Variants in PTPRCAP observed in about 807,000 individuals in gnomAD.
PTPRCAP encodes the protein protein tyrosine phosphatase receptor type C-associated protein.
For synonymous variants in PTPRCAP, 136 were observed against 135.8 expected (o/e 1.00, Z -0.01); for missense variants, 294 against 285.5 (o/e 1.03, Z -0.22).
Position 67,435,751 on chromosome 11 carries a change from G to C in PTPRCAP, c.603C>G (p.Leu201=). ...CCGGCCTCTACAGTGCGGTGACATGGAGGCCCTGGCCCCCAGCTGCCCTGG... is the reference window on the plus strand; with the variant it reads ...CCGGCCTCTACAGTGCGGTGACATGCAGGCCCTGGCCCCCAGCTGCCCTGG... The part of the protein sequence containing the change: ...DSARAAGGQG[L]HVTAL Residue 201 remains leucine (L), a synonymous_variant, in exon 2 of 2, where the codon CTC becomes CTG. Transcript: ENST00000326294. The C allele has an allele frequency of 6.5e-7, 1 of 1,546,060 alleles. No homozygotes were observed. Among genetic ancestry groups the C allele is most frequent in the Non-Finnish European group, 8.7e-7 (1 of 1,147,538 alleles).
At chr11:67,436,416 TG>T in intron 1 of PTPRCAP, 66 bp from the exon 2 acceptor site, 1 of 1,416,058 alleles carries the variant, frequency 7.1e-7, no homozygotes, top group Non-Finnish European at 9.2e-7. Context: ...TGGGGCAGGC[TG>T]GGTGACCAAG....
At chr11:67,436,405 G>A (rs1864280946) in intron 1 of PTPRCAP, 55 bp from the exon 2 acceptor site, 2 of 1,423,236 alleles carry the variant, frequency 1.4e-6, no homozygotes, top group Non-Finnish European at 1.8e-6. Context: ...GGGGCCTGGT[G>A]TGGGGCAGGC....
rs1231419124 is a variant in PTPRCAP, at chr11:67,436,295, C to G, written c.59G>C (p.Gly20Ala). 6.5e-7 allele frequency: 1 copy of G among 1,530,532 alleles called. No homozygotes were observed. The highest frequency in any genetic ancestry group is 2.0e-5 in the Admixed American group (1 of 49,870). 94.8% of individuals were successfully genotyped at this position (1,530,532 alleles called of 1,614,324 possible). ...GCTGTCCTCCGCGCTGCCACCCGAG[C>G]CCAAGGCCCCTGGCAGGGCCAGCAG... is the stretch of plus-strand genomic sequence containing the variant. ...GMLLALPGAL[G>A]SGGSAEDSVG... Residue 20 changes from glycine (G) to alanine (A), a missense_variant, in exon 2 of 2, where the codon GGC becomes GCC. By Grantham distance (60) the Gly-to-Ala change is moderately conservative. Coordinates refer to ENST00000326294, the MANE Select transcript of PTPRCAP (RefSeq NM_005608.3).
At position 67,435,655 on chromosome 11, in the gene PTPRCAP, G is replaced by T; in HGVS notation, c.*78C>A. The T allele has an allele frequency of 6.7e-7, 1 of 1,489,886 alleles. No individual in the cohort carries two copies. The allele number at this position is 1,489,886 out of a possible 1,614,324, so 92.3% of individuals were successfully genotyped here. A position where few individuals can be genotyped will look rare whatever the true frequency, so the allele number is the denominator to read the frequency against. On this transcript the variant is annotated 3_prime_UTR_variant, in exon 2 of 2. Coordinates refer to ENST00000326294, the MANE Select transcript of PTPRCAP (RefSeq NM_005608.3). ...CATGGTCATGTGGGCTGGGGGTCCA[G>T]TCCAGCCATGGCATCTTGGGAAGCA...
At position 67,435,868 on chromosome 11, in the gene PTPRCAP, G is replaced by A. The variant is rs748966665; in HGVS notation, c.486C>T (p.Gly162=). The change falls in exon 2 of 2, where the codon GGC becomes GGT. Residue 162 remains glycine (G), a synonymous_variant. Coordinates refer to ENST00000326294, the MANE Select transcript of PTPRCAP (RefSeq NM_005608.3). ...DSDTEGDLVL[G]SPGPASAGGS... ...CCCCTGCGCTCGCTGGTCCTGGGGA[G>A]CCGAGGACCAGGTCGCCCTCCGTGT... The A allele has an allele frequency of 6.2e-7, 1 of 1,610,850 alleles. No individual in the cohort carries two copies. The highest frequency in any genetic ancestry group is 8.5e-7 in the Non-Finnish European group (1 of 1,179,488).
In PTPRCAP at chr11:67,435,657, C is replaced by CCA; in HGVS notation, c.*74_*75dup. 2 of 1,491,662 alleles carry CCA rather than the reference C, an allele frequency of 1.3e-6. No homozygotes were observed. The highest frequency in any genetic ancestry group is 4.6e-5 in the Admixed American group (2 of 43,112). 92.4% of individuals were successfully genotyped at this position (1,491,662 alleles called of 1,614,324 possible). A position where few individuals can be genotyped will look rare whatever the true frequency, so the allele number is the denominator to read the frequency against. ...TGGTCATGTGGGCTGGGGGTCCAGT[C>CCA]CAGCCATGGCATCTTGGGAAGCAGA... is the stretch of plus-strand genomic sequence containing the variant. On this transcript the variant is annotated 3_prime_UTR_variant, in exon 2 of 2. Coordinates refer to ENST00000326294, the MANE Select transcript of PTPRCAP (RefSeq NM_005608.3).
chr11:67,437,284 GGGTGCTGA>G (rs1380229560), intron 1 of PTPRCAP: 2 of 289,752 alleles, frequency 6.9e-6, no homozygotes, highest in East Asian at 1.1e-4. Flanking sequence ...GTCGGGGGAG[GGGTGCTGA>G]GGTGCAGCCA....
chr11:67,436,168 CCCT>C lies in PTPRCAP; in HGVS notation c.183_185del (p.Gly63del). The C allele has an allele frequency of 6.4e-7, 1 of 1,562,768 alleles. No individual in the cohort carries two copies. The highest frequency in any genetic ancestry group is 8.7e-7 in the Non-Finnish European group (1 of 1,154,336). ...CTAGGCGGGCCGGGTGGTAGTAGCC[CCCT>C]GAGTCACGGCTGAGGCGGCGCCAGG... On this transcript the variant is annotated inframe_deletion, in exon 2 of 2. Transcript: ENST00000326294.
At position 67,435,980 on chromosome 11, in the gene PTPRCAP, G is replaced by A; in HGVS notation, c.374C>T (p.Ala125Val). The A allele has an allele frequency of 1.2e-6, 2 of 1,613,726 alleles. No individual in the cohort carries two copies. Among genetic ancestry groups the A allele is most frequent in the Non-Finnish European group, 1.7e-6 (2 of 1,179,926 alleles). The change falls in exon 2 of 2, where the codon GCT becomes GTT. Residue 125 changes from alanine to valine, a missense_variant. Physicochemically the swap from Ala to Val is moderately conservative, Grantham distance 64. Coordinates refer to ENST00000326294, the MANE Select transcript of PTPRCAP (RefSeq NM_005608.3). ...YDHVADGGLQ[A>V]DPGEGEQQCG... Reference sequence around the variant, plus strand: ...TTGCTGCTCGCCTTCCCCAGGGTCAGCCTGCAGGCCACCATCCGCGACGTG... The same window carrying A: ...TTGCTGCTCGCCTTCCCCAGGGTCAACCTGCAGGCCACCATCCGCGACGTG...
In PTPRCAP at chr11:67,436,367, G is replaced by C; in HGVS notation, c.4-17C>G. The C allele has an allele frequency of 2.1e-6, 3 of 1,439,236 alleles. No individual in the cohort carries two copies. The highest frequency in any genetic ancestry group is 2.7e-6 in the Non-Finnish European group (3 of 1,098,578). The allele number at this position is 1,439,236 out of a possible 1,614,324, so 89.2% of individuals were successfully genotyped here. On this transcript the variant is annotated splice_polypyrimidine_tract_variant and intron_variant, in intron 1 of 1. Coordinates refer to ENST00000326294, the MANE Select transcript of PTPRCAP (RefSeq NM_005608.3). ...GGGCAGAGCCTGTGGGAGACAGGCAGGGGCTCAGAGGGCTCAGCACCTGGG... is the reference window on the plus strand; with the variant it reads ...GGGCAGAGCCTGTGGGAGACAGGCACGGGCTCAGAGGGCTCAGCACCTGGG...
At chr11:67,436,499 T>A in intron 1 of PTPRCAP, 149 bp from the exon 2 acceptor site, 1 of 897,650 alleles carries the variant, frequency 1.1e-6, no homozygotes, top group Non-Finnish European at 1.6e-6. Context: ...CCTTATTTGG[T>A]CAACCAGGCT....
In PTPRCAP at chr11:67,437,654, T is replaced by G. The variant is rs747624666; in HGVS notation, c.-35A>C. On this transcript the variant is annotated 5_prime_UTR_variant, in exon 1 of 2. Coordinates refer to ENST00000326294, the MANE Select transcript of PTPRCAP (RefSeq NM_005608.3). ...GGCCCCTCCGTGCCGGGCACCCACC[T>G]CCAGCTCTGGCTGTGTCGAGCGAGA... 3.7e-6 allele frequency: 5 copies of G among 1,359,794 alleles called. No individual in the cohort carries two copies. In the African/African-American group the frequency reaches 6.0e-5, roughly 16 times the overall value. 84.2% of individuals were successfully genotyped at this position (1,359,794 alleles called of 1,614,324 possible). A position where few individuals can be genotyped will look rare whatever the true frequency, so the allele number is the denominator to read the frequency against.
At position 67,436,225 on chromosome 11, in the gene PTPRCAP, GAGCAGC is replaced by G. The variant is rs761732400; in HGVS notation, c.123_128del (p.Leu45_Leu46del). On this transcript the variant is annotated inframe_deletion, in exon 2 of 2. Transcript: ENST00000326294. ...GTGCTAGGCCAGTGGCCAGCAGTAG[GAGCAGC>G]AGCAGCAGCAGGACAACGGTGACAG... 4 of 1,547,666 alleles carry G rather than the reference GAGCAGC, an allele frequency of 2.6e-6. No homozygotes were observed. The highest frequency in any genetic ancestry group is 2.4e-5 in the East Asian group (1 of 41,190).
Position 67,436,304 on chromosome 11 carries a change from C to G in PTPRCAP, c.50G>C (p.Gly17Ala). The G allele has an allele frequency of 6.6e-7, 1 of 1,525,000 alleles. No individual in the cohort carries two copies. The allele number at this position is 1,525,000 out of a possible 1,614,324, so 94.5% of individuals were successfully genotyped here. The change falls in exon 2 of 2, where the codon GGG becomes GCG. Residue 17 changes from glycine to alanine, a missense_variant. By Grantham distance (60) the Gly-to-Ala change is moderately conservative. Transcript: ENST00000326294. ...CGCGCTGCCACCCGAGCCCAAGGCC[C>G]CTGGCAGGGCCAGCAGCATCCCGAG... is the stretch of plus-strand genomic sequence containing the variant. ...LGLGMLLALP[G>A]ALGSGGSAED...
Position 67,435,936 on chromosome 11 carries a change from GGCTGGACGCCTCTCCACATT to G in PTPRCAP, c.398_417del (p.Gln133ProfsTer9). 6.2e-7 allele frequency: 1 copy of G among 1,613,410 alleles called. No individual in the cohort carries two copies. The highest frequency in any genetic ancestry group is 8.5e-7 in the Non-Finnish European group (1 of 1,179,882). ...TCAGCCCGCACGGGGACCTGCTCTG[GGCTGGACGCCTCTCCACATT>G]GCTGCTCGCCTTCCCCAGGGTCAGC... On this transcript the variant is annotated frameshift_variant, in exon 2 of 2. Coordinates refer to ENST00000326294, the MANE Select transcript of PTPRCAP (RefSeq NM_005608.3). LOFTEE classifies it low-confidence loss of function (END_TRUNC).
At position 67,435,841 on chromosome 11, in the gene PTPRCAP, G is replaced by GCCCCCTGCGCTCC. The variant is rs769819472; in HGVS notation, c.512_513insGGAGCGCAGGGGG (p.Ser172GlufsTer7). The GCCCCCTGCGCTCC allele has an allele frequency of 6.2e-7, 1 of 1,608,662 alleles. No homozygotes were observed. Among genetic ancestry groups the GCCCCCTGCGCTCC allele is most frequent in the South Asian group, 1.1e-5 (1 of 90,916 alleles). ...GGTCACTCAGCAGGGCCTCAGCACT[G>GCCCCCTGCGCTCC]CCCCCTGCGCTCGCTGGTCCTGGGG... On this transcript the variant is annotated frameshift_variant, in exon 2 of 2. Transcript: ENST00000326294. LOFTEE classifies it high-confidence loss of function.
In PTPRCAP at chr11:67,435,777, C is replaced by A. The variant is rs142388162; in HGVS notation, c.577G>T (p.Ala193Ser). The A allele has an allele frequency of 6.4e-7, 1 of 1,574,294 alleles. No homozygotes were observed. The highest frequency in any genetic ancestry group is 8.6e-7 in the Non-Finnish European group (1 of 1,160,650). ...FAGSAAWDDS[A>S]RAAGGQGLHV... is the part of the protein sequence containing the mutation. ...AGGCCCTGGCCCCCAGCTGCCCTGG[C>A]GCTGTCATCCCAGGCTGCGCTGCCA... The change falls in exon 2 of 2, where the codon GCC (alanine) becomes TCC (serine). Residue 193 changes from alanine (A) to serine (S), a missense_variant. Coordinates refer to ENST00000326294, the MANE Select transcript of PTPRCAP (RefSeq NM_005608.3).
At chr11:67,436,536 C>T in intron 1 of PTPRCAP, 186 bp from the exon 2 acceptor site, 1 of 585,478 alleles carries the variant, frequency 1.7e-6, no homozygotes, top group Non-Finnish European at 2.7e-6. Context: ...AGCCCCCATC[C>T]CTCCAGCCTC....
In PTPRCAP at chr11:67,435,630, C is replaced by T. The variant is rs1864249664; in HGVS notation, c.*103G>A. 5.4e-6 allele frequency: 8 copies of T among 1,472,520 alleles called. No individual in the cohort carries two copies. Among genetic ancestry groups the T allele is most frequent in the African/African-American group, 1.4e-5 (1 of 70,996 alleles). The allele number at this position is 1,472,520 out of a possible 1,614,324, so 91.2% of individuals were successfully genotyped here. A position where few individuals can be genotyped will look rare whatever the true frequency, so the allele number is the denominator to read the frequency against. On this transcript the variant is annotated 3_prime_UTR_variant, in exon 2 of 2. Coordinates refer to ENST00000326294, the MANE Select transcript of PTPRCAP (RefSeq NM_005608.3). ...ACTGGTAGGGGGTGACAGTCTGAGG[C>T]ATGGTCATGTGGGCTGGGGGTCCAG...
Sources: gnomAD v4.1 joint callset for allele counts on GRCh38, gnomAD v4.1.1 for gene constraint, MANE v1.5 for transcripts, NCBI Gene and HGNC (gene_info 2026-07-23, HGNC 2026-07-21) for gene names.